CAP1: variants seen among roughly 807,000 people sequenced by gnomAD.
CAP1 encodes adenylyl cyclase-associated protein 1.
A neutral mutation model predicts 58.2 loss-of-function variants in CAP1; 11 were observed. The ratio of observed to expected loss-of-function variants is 0.19; its 90% CI spans 0.12 to 0.31. The LOEUF is 0.31. Among genes scored for constraint, CAP1 ranks in the 10% least tolerant of loss-of-function variants. CAP1 has a pLI of 1.00. For missense variants in CAP1, 423 were observed against 587.5 expected (o/e 0.72, Z 2.89); for synonymous variants, 183 against 213.8 (o/e 0.86, Z 1.26).
At chr1:40,062,190 T>C (rs754273334) in intron 4 of CAP1, among the ~76,000 whole-genome samples, 1 of 146,436 alleles carries the variant, frequency 6.8e-6, no homozygotes, top group Non-Finnish European at 1.5e-5. Context: ...CCTACAGTAT[T>C]GCTTCTCTCC....
intron 1 of CAP1, among the ~76,000 whole-genome samples, chr1:40,053,370 T>C (rs560360173): frequency 6.6e-6 from 1 of 152,168 alleles, no homozygotes; most frequent in Non-Finnish European, 1.5e-5. Flanking sequence ...CATTGTGGAG[T>C]AGCAAGAAGA....
At chr1:40,066,185 C>G in intron 6 of CAP1, 30 bp from the exon 7 acceptor site, 1 of 1,219,312 alleles carries the variant, frequency 8.2e-7, no homozygotes, top group Non-Finnish European at 1.2e-6. Context: ...CCCGGATCAC[C>G]TGTGACAAGT....
chr1:40,070,701 C>A, intron 11 of CAP1, 135 bp from the exon 12 acceptor site: 2 of 914,400 alleles, frequency 2.2e-6, no homozygotes, highest in Non-Finnish European at 3.4e-6. Context: ...CCAACCCACC[C>A]GAGTATCCAG....
intron 1 of CAP1, among the ~76,000 whole-genome samples, chr1:40,052,927 A>G (rs1646443170): frequency 6.6e-6 from 1 of 151,936 alleles, no homozygotes; most frequent in African/African-American, 2.4e-5. Context: ...CGTCTCTAAT[A>G]AAAATACAAA....
chr1:40,072,253 A>G lies in CAP1; in HGVS notation c.*720A>G, dbSNP rs1022235597. The G allele has an allele frequency of 7.4e-5, 11 of 148,084 alleles. No individual in the cohort carries two copies. The highest frequency in any genetic ancestry group is 1.7e-4 in the African/African-American group (2 of 11,522). The allele number at this position is 148,084 out of a possible 1,614,324, so 9.2% of individuals were successfully genotyped here. A position where few individuals can be genotyped will look rare whatever the true frequency, so the allele number is the denominator to read the frequency against. On this transcript the variant is annotated 3_prime_UTR_variant, in exon 13 of 13. Transcript: ENST00000372805. ...TTCCTATAGAGATGACTTTAAAAGG[A>G]AAAAAAAAAAAAAAAAAACCCACAT...
Position 40,059,186 on chromosome 1 carries a change from G to T in CAP1, c.-10-151G>T. On this transcript the variant is annotated intron_variant, in intron 1 of 12. Coordinates refer to ENST00000372805, the MANE Select transcript of CAP1 (RefSeq NM_006367.4). ...TGATATTTTTGTATTGTTCCATTTTGCAGATGATATCTAATTTTATTAAAT... is the reference window on the plus strand; with the variant it reads ...TGATATTTTTGTATTGTTCCATTTTTCAGATGATATCTAATTTTATTAAAT... 6 of 544,772 alleles carry T rather than the reference G, an allele frequency of 1.1e-5. No homozygotes were observed. The South Asian group carries it at 1.3e-4, about 12-fold the overall frequency. 33.7% of individuals were successfully genotyped at this position (544,772 alleles called of 1,614,324 possible).
chr1:40,060,191 T>C, intron 3 of CAP1, 21 bp downstream of exon 3: 17 of 1,587,642 alleles, frequency 1.1e-5, no homozygotes, highest in Non-Finnish European at 1.5e-5. Context: ...TTTGCCTTTT[T>C]CCCCTTCTTT....
intron 1 of CAP1, among the ~76,000 whole-genome samples, chr1:40,053,533 C>G (rs1412938199): frequency 6.6e-6 from 1 of 152,152 alleles, no homozygotes; most frequent in Middle Eastern, 3.4e-3. Flanking sequence ...TCACTGCAAT[C>G]TCCGCCTCCC....
rs1261461570 is a variant in CAP1, at chr1:40,070,147, T to G, written c.994-12T>G. On this transcript the variant is annotated splice_polypyrimidine_tract_variant and intron_variant, in intron 9 of 12. Transcript: ENST00000372805. ...GCTTTGTGATGAGAATCCTGGGATC[T>G]CTCTCTAACAGGAAAATCAGGAAAA... The G allele has an allele frequency of 6.2e-7, 1 of 1,613,654 alleles. No homozygotes were observed. The highest frequency in any genetic ancestry group is 8.5e-7 in the Non-Finnish European group (1 of 1,179,948).
intron 6 of CAP1, among the ~76,000 whole-genome samples, chr1:40,065,056 T>G (rs1204710299): frequency 6.6e-6 from 1 of 152,228 alleles, no homozygotes; most frequent in Non-Finnish European, 1.5e-5. Flanking sequence ...ACTTCTGCTT[T>G]CTCTCCTTTT....
chr1:40,058,705 T>C (rs1405967094), intron 1 of CAP1, among the ~76,000 whole-genome samples: 1 of 151,882 alleles, frequency 6.6e-6, no homozygotes, highest in East Asian at 1.9e-4. Context: ...CTGGGTGACA[T>C]TGTAAGACTT....
At chr1:40,053,438 T>C (rs890345174) in intron 1 of CAP1, among the ~76,000 whole-genome samples, 2 of 152,062 alleles carry the variant, frequency 1.3e-5, no homozygotes, top group Admixed American at 1.3e-4. Context: ...TACTCACTAG[T>C]TGTTTGACCT....
rs760428908 is a variant in CAP1 at position 40,069,884 on chromosome 1, A to G, written c.993+10A>G. On this transcript the variant is annotated intron_variant, in intron 9 of 12. Transcript: ENST00000372805. ...CAAGAAGTGGAGAGTGGTGAGTTAA[A>G]AATACCTAGACAGGGGCAGGTATTT... 1 of 1,539,982 alleles carries G rather than the reference A, an allele frequency of 6.5e-7. No individual in the cohort carries two copies. Among genetic ancestry groups the G allele is most frequent in the Admixed American group, 2.2e-5 (1 of 44,750 alleles).
intron 3 of CAP1, among the ~76,000 whole-genome samples, 194 bp downstream of exon 3, chr1:40,060,364 G>A (rs1234033420): frequency 2.6e-5 from 4 of 151,916 alleles, no homozygotes; most frequent in East Asian, 1.9e-4. Context: ...TTTTTTCTAG[G>A]CCCCTTGCTT....
chr1:40,051,818 C>T (rs1286843031), intron 1 of CAP1, among the ~76,000 whole-genome samples: 5 of 152,148 alleles, frequency 3.3e-5, no homozygotes, highest in Non-Finnish European at 7.3e-5. Context: ...ATCCGCCTGC[C>T]TCGGCCTCCC....
chr1:40,066,432 T>C (rs530708241), intron 7 of CAP1, 112 bp downstream of exon 7: 5 of 657,514 alleles, frequency 7.6e-6, no homozygotes, highest in South Asian at 5.2e-5. Context: ...GAATGCTAGT[T>C]TTTTCAGTGG....
rs745519674 is a variant in CAP1, at chr1:40,061,727, T to C, written c.217-8T>C. Reference sequence around the variant, plus strand: ...GTGTCATCAATAGCTGATTCTTCTTTCTGGCAGGCGGAGATGGTCCACACA... The same window carrying C: ...GTGTCATCAATAGCTGATTCTTCTTCCTGGCAGGCGGAGATGGTCCACACA... On this transcript the variant is annotated splice_region_variant and splice_polypyrimidine_tract_variant and intron_variant, in intron 3 of 12. Coordinates refer to ENST00000372805, the MANE Select transcript of CAP1 (RefSeq NM_006367.4). 6.2e-7 allele frequency: 1 copy of C among 1,613,292 alleles called. No homozygotes were observed. Among genetic ancestry groups the C allele is most frequent in the Non-Finnish European group, 8.5e-7 (1 of 1,179,208 alleles).
intron 6 of CAP1, 151 bp downstream of exon 6, chr1:40,064,710 G>A: frequency 1.5e-6 from 1 of 663,796 alleles, no homozygotes; most frequent in Non-Finnish European, 2.7e-6. Context: ...CAAGTAGCTG[G>A]GACTTCAGGC....
At chr1:40,058,281 T>C (rs182763765) in intron 1 of CAP1, among the ~76,000 whole-genome samples, 4 of 152,332 alleles carry the variant, frequency 2.6e-5, no homozygotes, top group African/African-American at 9.6e-5. Flanking sequence ...CTCCATCATA[T>C]CCTTATCTGA....
Sources: allele counts gnomAD v4.1 joint callset (sites outside exome capture counted in the v4.1 genomes callset), GRCh38; gene constraint gnomAD v4.1.1; transcripts MANE v1.5; gene names NCBI Gene and HGNC (gene_info 2026-07-23, HGNC 2026-07-21).